Variants in RMC1 observed in about 807,000 individuals in gnomAD.
RMC1 encodes regulator of MON1-CCZ1.
A neutral mutation model predicts 95.5 loss-of-function variants in RMC1; 44 were observed. That is an observed-to-expected ratio of 0.46 (90% CI 0.36 to 0.59). RMC1 has a LOEUF of 0.59. RMC1 is among the 20% of genes least tolerant of loss of function. The pLI is 0.00. For missense variants in RMC1, 705 were observed against 819.6 expected (o/e 0.86, Z 1.71); for synonymous variants, 320 against 303.6 (o/e 1.05, Z -0.56).
chr18:23,527,685 C>T (rs2058346972), intron 13 of RMC1, 110 bp from the exon 14 acceptor site: 1 of 791,684 alleles, frequency 1.3e-6, no homozygotes, highest in South Asian at 1.4e-5. Flanking sequence ...TTTAAAGGTA[C>T]TTTTGCATTG....
In RMC1 at chr18:23,508,005, T is replaced by C. The variant is rs1274138214; in HGVS notation, c.285T>C (p.Pro95=). ...SKTVDFCNFI[P]DNSQLEYTQE... ...TTCAGGATTTTTGTAATTTTATCCC[T>C]GATAATTCCCAGCTGGAATACACAC... The change falls in exon 4 of 20, where the codon CCT becomes CCC. Residue 95 remains proline (P), a synonymous_variant. Coordinates refer to ENST00000269221, the MANE Select transcript of RMC1 (RefSeq NM_013326.5). The C allele has an allele frequency of 1.2e-6, 2 of 1,611,158 alleles. No homozygotes were observed. The highest frequency in any genetic ancestry group is 1.7e-6 in the Non-Finnish European group (2 of 1,178,928).
chr18:23,522,426 A>C (rs1277449177), intron 10 of RMC1: 1 of 152,236 alleles, frequency 6.6e-6, no homozygotes, highest in Non-Finnish European at 1.5e-5. Context: ...GACAGCTTTG[A>C]ATGCAGCCCA....
In RMC1 at chr18:23,518,970, A is replaced by G. The variant is rs970781284; in HGVS notation, c.734A>G (p.His245Arg). The G allele has an allele frequency of 9.9e-6, 16 of 1,614,202 alleles. No homozygotes were observed. Among genetic ancestry groups the G allele is most frequent in the East Asian group, 2.2e-5 (1 of 44,890 alleles). Residue 245 changes from histidine to arginine, a missense_variant, in exon 8 of 20, where the codon CAT becomes CGT. His to Arg is a conservative substitution (Grantham distance 29). Coordinates refer to ENST00000269221, the MANE Select transcript of RMC1 (RefSeq NM_013326.5). ...ACAGGAGCGGAGGTGGTCCTCTATC[A>G]TCTACCACGGTAGATTTCATGCTTT... is the stretch of plus-strand genomic sequence containing the variant. ...NSTGAEVVLY[H>R]LPREGACKKM...
In RMC1 at chr18:23,530,093, G is replaced by A. The variant is rs2058444514; in HGVS notation, c.1560G>A (p.Gln520=). ...VQHNLFYMLH[Q]FLQYHVLSDS... is the part of the protein sequence containing the mutation. ...ACAACCTCTTTTATATGCTGCATCA[G>A]TTCCTGCAGTACCACGTCCTCAGCG... Residue 520 remains glutamine, a synonymous_variant, in exon 17 of 20, where the codon CAG becomes CAA. Transcript: ENST00000269221. 1 of 1,614,196 alleles carries A rather than the reference G, an allele frequency of 6.2e-7. No homozygotes were observed. Among genetic ancestry groups the A allele is most frequent in the Non-Finnish European group, 8.5e-7 (1 of 1,180,028 alleles).
intron 1 of RMC1, 137 bp from the exon 2 acceptor site, chr18:23,504,234 C>T (rs569203923): frequency 1.0e-4 from 74 of 713,140 alleles, no homozygotes; most frequent in Non-Finnish European, 1.7e-4. Flanking sequence ...AGCCAAACAT[C>T]TGTACCTTGA....
chr18:23,529,086 C>T (rs2058399942), intron 14 of RMC1, 93 bp from the exon 15 acceptor site: 45 of 1,517,364 alleles, frequency 3.0e-5, no homozygotes, highest in Non-Finnish European at 3.7e-5. Context: ...ATCCTGGGTC[C>T]ACATCGAAGA....
intron 7 of RMC1, 32 bp from the exon 8 acceptor site, chr18:23,518,858 A>T (rs2058074683): frequency 6.3e-7 from 1 of 1,597,478 alleles, no homozygotes; most frequent in East Asian, 2.2e-5. Flanking sequence ...GAATGGCCAG[A>T]TGTGATTTAT....
Position 23,503,693 on chromosome 18 carries a change from C to T in RMC1, c.75C>T (p.Cys25=), listed in dbSNP as rs779880138. The change falls in exon 1 of 20, where the codon TGC becomes TGT. Residue 25 remains cysteine (C), a synonymous_variant. Transcript: ENST00000269221. ...VQFEKANPVN[C]VFFDEANKQV... ...TCGAGAAGGCGAACCCTGTCAACTG[C>T]GTCTTCTTCGATGAGGCCAACAAGC... is the stretch of plus-strand genomic sequence containing the variant. 10 of 1,592,888 alleles carry T rather than the reference C, an allele frequency of 6.3e-6. No homozygotes were observed. The East Asian group carries it at 1.9e-4, about 30-fold the overall frequency.
At chr18:23,507,250 A>AT (rs1385493079) in intron 3 of RMC1, among the ~76,000 whole-genome samples, 196 bp downstream of exon 3, 1 of 152,118 alleles carries the variant, frequency 6.6e-6, no homozygotes, top group Non-Finnish European at 1.5e-5. Context: ...CCTTAGTTTG[A>AT]TTTTTAAATT....
chr18:23,503,790 G>T, intron 1 of RMC1, 70 bp downstream of exon 1: 4 of 1,317,200 alleles, frequency 3.0e-6, no homozygotes, highest in Non-Finnish European at 4.1e-6. Context: ...GGCCGGTCCC[G>T]CGCGACCAGG....
At chr18:23,527,159 G>A (rs1442363883) in intron 13 of RMC1, among the ~76,000 whole-genome samples, 1 of 146,618 alleles carries the variant, frequency 6.8e-6, no homozygotes, top group Non-Finnish European at 1.5e-5. Flanking sequence ...TGAAGCAGGA[G>A]GATTGCCTGA....
rs754879938 is a variant in RMC1 at position 23,515,938 on chromosome 18, C to T, written c.491C>T (p.Ala164Val). 1.2e-5 allele frequency: 20 copies of T among 1,614,058 alleles called. No individual in the cohort carries two copies. The East Asian group carries it at 4.0e-4, about 32-fold the overall frequency. The change falls in exon 6 of 20, where the codon GCC becomes GTC. Residue 164 changes from alanine (A) to valine (V), a missense_variant. Transcript: ENST00000269221. ...VNWYMYCPES[A>V]VILLSTTVLE... ...TGGTACATGTACTGCCCCGAGAGCG[C>T]CGTGATCTTGCTGTCTACCACGGTC...
rs748172492 is a variant in RMC1 at position 23,526,759 on chromosome 18, T to A, written c.1183T>A (p.Ser395Thr). ...ECKMVILSVC[S>T]QMLSESDRAS... ...CAAGATGGTCATCCTGTCTGTCTGT[T>A]CACAGAGTAAGTTGAATCCTTCCCC... Residue 395 changes from serine to threonine, a missense_variant, in exon 13 of 20, where the codon TCA becomes ACA. Coordinates refer to ENST00000269221, the MANE Select transcript of RMC1 (RefSeq NM_013326.5). The A allele has an allele frequency of 3.1e-6, 5 of 1,613,972 alleles. No individual in the cohort carries two copies. Among genetic ancestry groups the A allele is most frequent in the Non-Finnish European group, 3.4e-6 (4 of 1,179,958 alleles).
At chr18:23,526,276 G>A (rs542832429) in intron 12 of RMC1, among the ~76,000 whole-genome samples, 18 of 152,334 alleles carry the variant, frequency 1.2e-4, no homozygotes, top group South Asian at 1.0e-3. Context: ...TTGATGCCAC[G>A]TGTTGACATC....
chr18:23,531,351 A>G (rs1249497703), intron 19 of RMC1: 1 of 400,174 alleles, frequency 2.5e-6, no homozygotes, highest in Admixed American at 4.4e-5. Context: ...TAGGATAGGG[A>G]AGGATCAGGG....
chr18:23,517,868 C>G (rs2058050444), intron 7 of RMC1, among the ~76,000 whole-genome samples: 1 of 152,150 alleles, frequency 6.6e-6, no homozygotes, highest in Non-Finnish European at 1.5e-5. Context: ...CAGGCGCATG[C>G]CACCACATCT....
At chr18:23,526,807 G>T in intron 13 of RMC1, 42 bp downstream of exon 13, 1 of 1,604,492 alleles carries the variant, frequency 6.2e-7, no homozygotes. Flanking sequence ...CCAGTGTGAG[G>T]CCTGTGCTGC....
intron 7 of RMC1, among the ~76,000 whole-genome samples, chr18:23,517,707 G>A (rs998351747): frequency 4.0e-5 from 6 of 151,228 alleles, no homozygotes; most frequent in African/African-American, 7.3e-5. Context: ...GTACTCTTCT[G>A]TGGCATTCCT....
rs781037766 is a variant in RMC1 at position 23,529,637 on chromosome 18, G to A, written c.1419G>A (p.Glu473=). ...AGACCACATTTTTTTCTCCCTAGGA[G>A]ATGCCTCATAAATTTGTGATAGCCG... ...HVLSAFVEKK[E]MPHKFVIAVL... is the part of the protein sequence containing the mutation. Residue 473 remains glutamate, a splice_region_variant and synonymous_variant, in exon 16 of 20, where the codon GAG becomes GAA. Coordinates refer to ENST00000269221, the MANE Select transcript of RMC1 (RefSeq NM_013326.5). The A allele has an allele frequency of 6.2e-7, 1 of 1,613,966 alleles. No homozygotes were observed. The highest frequency in any genetic ancestry group is 8.5e-7 in the Non-Finnish European group (1 of 1,179,882).
Sources: allele counts gnomAD v4.1 joint callset (sites outside exome capture counted in the v4.1 genomes callset), GRCh38; gene constraint gnomAD v4.1.1; transcripts MANE v1.5; gene names NCBI Gene and HGNC (gene_info 2026-07-23, HGNC 2026-07-21).